Variants in CTNNA1 observed in about 807,000 individuals in gnomAD.
CTNNA1 encodes catenin alpha 1.
In CTNNA1, 37 loss-of-function variants were observed where a neutral mutation model predicts 98.4. That is an observed-to-expected ratio of 0.38 (90% CI 0.29 to 0.49). The LOEUF is 0.49. Among genes scored for constraint, CTNNA1 ranks in the 20% least tolerant of loss-of-function variants. CTNNA1 has a pLI of 0.95. For missense variants in CTNNA1, 761 were observed against 1,147.2 expected, an observed-to-expected ratio of 0.66 and a Z score of 4.86; for synonymous variants, 404 against 413.2, an observed-to-expected ratio of 0.98 and a Z score of 0.27.
intron 7 of CTNNA1, among the ~76,000 whole-genome samples, chr5:138,842,211 G>A (rs554399790): frequency 3.3e-5 from 5 of 152,120 alleles, no homozygotes; most frequent in Admixed American, 6.6e-5. Flanking sequence ...GAGGTAAGAG[G>A]AGAGCCTGAG....
At chr5:138,787,418 C>CA (rs61533411) in intron 3 of CTNNA1, among the ~76,000 whole-genome samples, 260 of 133,238 alleles carry the variant, frequency 2.0e-3, no homozygotes, top group Middle Eastern at 0.011. Context: ...ACTCCGTCTC[C>CA]AAAAAAAAAA....
chr5:138,820,419 G>T (rs1759918563), intron 5 of CTNNA1, among the ~76,000 whole-genome samples: 1 of 152,160 alleles, frequency 6.6e-6, no homozygotes, highest in Non-Finnish European at 1.5e-5. Context: ...GCACAGCAAT[G>T]TGGATTCTAG....
intron 16 of CTNNA1, chr5:138,932,267 C>A: frequency 1.7e-6 from 2 of 1,146,360 alleles, no homozygotes; most frequent in Non-Finnish European, 2.1e-6. Flanking sequence ...GTGAGGGGAT[C>A]CTTGGCCAGG....
intron 1 of CTNNA1, among the ~76,000 whole-genome samples, chr5:138,780,715 C>T (rs1045537161): frequency 1.3e-5 from 2 of 151,786 alleles, no homozygotes; most frequent in African/African-American, 4.8e-5. Context: ...AGGGTTTATC[C>T]TTGTTGGTCA....
chr5:138,775,774 G>T (rs1754060777), intron 1 of CTNNA1, among the ~76,000 whole-genome samples: 1 of 139,378 alleles, frequency 7.2e-6, no homozygotes, highest in Admixed American at 7.5e-5. Context: ...CCAGGCTGGA[G>T]TGCAGTGGCG....
chr5:138,844,582 A>G (rs1383339236), intron 7 of CTNNA1, among the ~76,000 whole-genome samples: 1 of 152,148 alleles, frequency 6.6e-6, no homozygotes, highest in Non-Finnish European at 1.5e-5. Context: ...GTTGGTTGTT[A>G]AAAGACATAG....
At chr5:138,778,774 G>A (rs966150710) in intron 1 of CTNNA1, among the ~76,000 whole-genome samples, 2 of 152,188 alleles carry the variant, frequency 1.3e-5, no homozygotes, top group African/African-American at 2.4e-5. Context: ...ATATTAGCAT[G>A]GACTCATGCA....
chr5:138,904,332 A>AT lies in CTNNA1; in HGVS notation c.1297-11dup. 3 of 1,605,748 alleles carry AT rather than the reference A, an allele frequency of 1.9e-6. No homozygotes were observed. The highest frequency in any genetic ancestry group is 2.7e-5 in the African/African-American group (2 of 74,328). Reference sequence around the variant, plus strand: ...CAAAAGAGAAAAATCTTTAAAGATTATTTTTTATGTTTATAGGTTGCCAAC... The same window carrying AT: ...CAAAAGAGAAAAATCTTTAAAGATTATTTTTTTATGTTTATAGGTTGCCAAC... On this transcript the variant is annotated splice_polypyrimidine_tract_variant and intron_variant, in intron 9 of 17. Transcript: ENST00000302763.
intron 5 of CTNNA1, among the ~76,000 whole-genome samples, chr5:138,812,899 T>C (rs1250316124): frequency 2.6e-5 from 4 of 152,244 alleles, no homozygotes; most frequent in Admixed American, 1.3e-4. Flanking sequence ...GTGTATATTC[T>C]TCAAGGAAGA....
chr5:138,846,759 TAAAA>T (rs943214439), intron 7 of CTNNA1, among the ~76,000 whole-genome samples: 1 of 151,912 alleles, frequency 6.6e-6, no homozygotes, highest in Admixed American at 6.6e-5. Context: ...TAAAAATAGT[TAAAA>T]AAAAACCCCT....
intron 1 of CTNNA1, among the ~76,000 whole-genome samples, chr5:138,773,127 A>G (rs1753729141): frequency 6.6e-6 from 1 of 152,228 alleles, no homozygotes; most frequent in South Asian, 2.1e-4. Context: ...TCCTTTTAGG[A>G]TTGGGATCAC....
intron 1 of CTNNA1, among the ~76,000 whole-genome samples, chr5:138,774,301 A>G (rs1361725617): frequency 5.3e-5 from 8 of 152,058 alleles, no homozygotes; most frequent in Non-Finnish European, 1.2e-4. Context: ...CTGGGATTAC[A>G]GGTGGGAGCC....
intron 12 of CTNNA1, 140 bp from the exon 13 acceptor site, chr5:138,925,116 T>C: frequency 1.2e-6 from 1 of 854,734 alleles, no homozygotes; most frequent in South Asian, 1.9e-5. Context: ...TTATTTCAAC[T>C]GTAAATACCC....
chr5:138,784,228 G>A (rs984476450), intron 3 of CTNNA1, among the ~76,000 whole-genome samples: 4 of 152,152 alleles, frequency 2.6e-5, no homozygotes, highest in Admixed American at 6.5e-5. Context: ...TGTGTGTTAG[G>A]TTTCTTTTCC....
intron 7 of CTNNA1, chr5:138,869,850 G>A (rs960289938): frequency 6.6e-6 from 1 of 152,608 alleles, no homozygotes; most frequent in African/African-American, 2.4e-5. Context: ...TAAAAAATTA[G>A]TATCTTTGCT....
intron 7 of CTNNA1, among the ~76,000 whole-genome samples, chr5:138,851,645 G>C (rs1040754942): frequency 5.3e-5 from 8 of 152,122 alleles, no homozygotes; most frequent in Non-Finnish European, 8.8e-5. Context: ...TGTAGTCCCA[G>C]CTACTTGGGA....
intron 9 of CTNNA1, among the ~76,000 whole-genome samples, chr5:138,898,028 G>T (rs1222684958): frequency 6.6e-6 from 1 of 152,152 alleles, no homozygotes; most frequent in African/African-American, 2.4e-5. Flanking sequence ...ATGTTAAATT[G>T]TAATCTCCAG....
At chr5:138,753,798 C>CT (rs1406838892) in intron 1 of CTNNA1, 3 of 255,968 alleles carry the variant, frequency 1.2e-5, no homozygotes, top group African/African-American at 6.8e-5. Flanking sequence ...GGAGGAGAAA[C>CT]TATAGGCCCA....
At chr5:138,759,481 A>T (rs1752075808) in intron 1 of CTNNA1, among the ~76,000 whole-genome samples, 1 of 152,226 alleles carries the variant, frequency 6.6e-6, no homozygotes. Flanking sequence ...AAAAAGAGAA[A>T]AATGAAGGAA....
Sources: allele counts gnomAD v4.1 joint callset (sites outside exome capture counted in the v4.1 genomes callset), GRCh38; gene constraint gnomAD v4.1.1; transcripts MANE v1.5; gene names NCBI Gene and HGNC (gene_info 2026-07-23, HGNC 2026-07-21).